RNF14: variants seen among roughly 807,000 people sequenced by gnomAD.
RNF14 encodes the protein ring finger protein 14.
A neutral mutation model predicts 52.6 loss-of-function variants in RNF14; 26 were observed. The ratio of observed to expected loss-of-function variants is 0.49; its 90% CI spans 0.36 to 0.69. RNF14 has a LOEUF of 0.69. RNF14 is among the 30% of genes least tolerant of loss of function. The pLI is 0.00. For synonymous variants in RNF14, 194 were observed against 202.0 expected (o/e 0.96, Z 0.34); for missense variants, 404 against 560.4 (o/e 0.72, Z 2.82).
upstream of RNF14, among the ~76,000 whole-genome samples, chr5:141,954,782 G>C (rs1753145833): frequency 2.6e-5 from 4 of 152,202 alleles, no homozygotes; most frequent in Admixed American, 6.5e-5. Context: ...TAAGGAATTT[G>C]CCTAGGATCA....
chr5:141,967,568 G>A (rs1753390197), upstream of RNF14, among the ~76,000 whole-genome samples: 1 of 152,202 alleles, frequency 6.6e-6, no homozygotes, highest in Admixed American at 6.5e-5. Flanking sequence ...AGGGCCCTAT[G>A]TGACTGCACG....
chr5:141,955,847 T>C (rs746077489), upstream of RNF14: 3 of 1,614,020 alleles, frequency 1.9e-6, no homozygotes, highest in South Asian at 2.2e-5. The surrounding 1 kb of genome is among the most constrained non-coding windows in gnomAD (Gnocchi z 5.5). Flanking sequence ...TCCCACTCAC[T>C]CCCAATGAGG....
At chr5:141,956,454 T>C, upstream of RNF14, 1 of 1,614,240 alleles carries the variant, frequency 6.2e-7, no homozygotes, top group Non-Finnish European at 8.5e-7. Flanking sequence ...GCGTGGAGAC[T>C]TCATACCTGC....
At chr5:141,974,984 C>T (rs1055765317) in intron 4 of RNF14, 29 bp downstream of exon 4, 2 of 1,604,954 alleles carry the variant, frequency 1.2e-6, no homozygotes. Context: ...TTTTTCCTAT[C>T]CATTTTTAGA....
chr5:141,975,970 A>G (rs544827760), intron 4 of RNF14, among the ~76,000 whole-genome samples: 1 of 151,426 alleles, frequency 6.6e-6, no homozygotes, highest in Non-Finnish European at 1.5e-5. Flanking sequence ...AGAGTTGCTG[A>G]CCTCAAGGAA....
upstream of RNF14, among the ~76,000 whole-genome samples, chr5:141,963,663 C>A (rs1260817928): frequency 6.6e-6 from 1 of 152,124 alleles, no homozygotes; most frequent in East Asian, 1.9e-4. Flanking sequence ...TTAGCATGTT[C>A]CTCTCTATTT....
the RNF14 span, chr5:141,949,635 A>T: frequency 3.8e-6 from 6 of 1,578,912 alleles, no homozygotes; most frequent in Non-Finnish European, 4.3e-6. Context: ...ATATAGATTC[A>T]TTCATTCATG....
At chr5:141,955,243 G>A, upstream of RNF14, 1 of 1,614,262 alleles carries the variant, frequency 6.2e-7, no homozygotes, top group Non-Finnish European at 8.5e-7. The surrounding 1 kb of genome is among the most constrained non-coding windows in gnomAD (Gnocchi z 5.5). Flanking sequence ...GCCTGTGGCA[G>A]GCTGGGGCTC....
chr5:141,959,621 C>T lies in RNF14; in HGVS notation c.-181+1196C>T, dbSNP rs534432381. The stretch of plus-strand genomic sequence containing the variant: ...TAGTCAGGGCTTATTGGCATGGAGG[C>T]CTGTGGTCATCAGGACTGGGGTGGC... On this transcript the variant is annotated intron_variant, in intron 1 of 4. Transcript: ENST00000506822. 8.8e-4 allele frequency among the ~76,000 whole-genome samples: 134 copies of T among 152,280 alleles called. 1 individual carries two copies. Among genetic ancestry groups the T allele is most frequent in the South Asian group, 1.9e-3 (9 of 4,830 alleles).
chr5:141,979,326 G>C (rs537190129), intron 5 of RNF14, among the ~76,000 whole-genome samples: 1 of 152,016 alleles, frequency 6.6e-6, no homozygotes, highest in Non-Finnish European at 1.5e-5. Flanking sequence ...CTCAGCTCAC[G>C]GCAACCTCTG....
intron 7 of RNF14, among the ~76,000 whole-genome samples, chr5:141,984,164 C>G (rs906104533): frequency 6.8e-6 from 1 of 147,966 alleles, no homozygotes; most frequent in Non-Finnish European, 1.5e-5. Flanking sequence ...GTAGTGCAAT[C>G]TCAGCTAACT....
chr5:141,975,444 A>G (rs965455782), intron 4 of RNF14, among the ~76,000 whole-genome samples: 92 of 152,356 alleles, frequency 6.0e-4, no homozygotes, highest in African/African-American at 1.9e-3. Flanking sequence ...AATAACAAAT[A>G]ACAGTCAACT....
intron 3 of RNF14, 94 bp from the exon 4 acceptor site, chr5:141,974,710 C>G: frequency 1.6e-6 from 2 of 1,213,956 alleles, no homozygotes; most frequent in Non-Finnish European, 2.3e-6. Context: ...ATTCCCTCAA[C>G]TAAAGCATTA....
At chr5:141,949,452 C>T in the RNF14 span, 3 of 1,613,714 alleles carry the variant, frequency 1.9e-6, no homozygotes, top group African/African-American at 2.7e-5. Context: ...GTCCAGCAGA[C>T]TTGACAGCTC....
At chr5:141,986,927 T>G (rs558715232) in intron 8 of RNF14, among the ~76,000 whole-genome samples, 27 of 152,346 alleles carry the variant, frequency 1.8e-4, no homozygotes, top group Admixed American at 2.0e-4. Context: ...GCATGATCTC[T>G]GGGGGAGTTC....
intron 8 of RNF14, 102 bp downstream of exon 8, chr5:141,985,035 G>T: frequency 8.5e-6 from 9 of 1,059,588 alleles, no homozygotes; most frequent in South Asian, 5.0e-5. Flanking sequence ...CTTATTTAGA[G>T]AATTCTCTTA....
At chr5:141,986,538 T>C (rs541153622) in intron 8 of RNF14, among the ~76,000 whole-genome samples, 1 of 152,364 alleles carries the variant, frequency 6.6e-6, no homozygotes, top group South Asian at 2.1e-4. Context: ...TTGTATACGC[T>C]GAGTATCAGT....
intron 8 of RNF14, among the ~76,000 whole-genome samples, chr5:141,987,273 G>A (rs185489326): frequency 1.3e-5 from 2 of 152,332 alleles, no homozygotes; most frequent in African/African-American, 2.4e-5. Context: ...GGCCAGGAGA[G>A]GGTCTGTTCA....
chr5:141,957,623 T>C (rs370848821), upstream of RNF14: 37 of 1,614,088 alleles, frequency 2.3e-5, no homozygotes, highest in East Asian at 2.2e-4. The surrounding 1 kb of genome is among the most constrained non-coding windows in gnomAD (Gnocchi z 4.3). Flanking sequence ...TCCACCTGAA[T>C]GGGGAGCGCC....
Sources: allele counts gnomAD v4.1 joint callset (sites outside exome capture counted in the v4.1 genomes callset), GRCh38; gene constraint gnomAD v4.1.1; non-coding constraint Gnocchi (gnomAD v3.1); transcripts MANE v1.5; gene names NCBI Gene and HGNC (gene_info 2026-07-23, HGNC 2026-07-21).